GRID2: variants seen among roughly 807,000 people sequenced by gnomAD.
GRID2 encodes the protein glutamate ionotropic receptor delta type subunit 2, also known as glutamate receptor ionotropic, delta-2.
In GRID2, 33 loss-of-function variants were observed where a neutral mutation model predicts 114.8. The ratio of observed to expected loss-of-function variants is 0.29; its 90% CI spans 0.22 to 0.38. The LOEUF (loss-of-function observed/expected upper bound fraction) is 0.38, where lower values mean the gene tolerates loss of function less well. Among genes scored for constraint, GRID2 ranks in the 10% least tolerant of loss-of-function variants. The pLI, the probability that GRID2 is intolerant of heterozygous loss-of-function variation, is 1.00. For missense variants in GRID2, 1,184 were observed against 1,257.7 expected (o/e 0.94, Z 0.89); for synonymous variants, 505 against 449.9 (o/e 1.12, Z -1.55).
intron 8 of GRID2, among the ~76,000 whole-genome samples, chr4:93,390,994 T>C (rs542076062): frequency 2.6e-5 from 4 of 152,116 alleles, no homozygotes; most frequent in Non-Finnish European, 5.9e-5. Flanking sequence ...TGTGATTTTT[T>C]TTCTGACTTT....
intron 4 of GRID2, among the ~76,000 whole-genome samples, chr4:93,144,908 A>G (rs1159613073): frequency 1.3e-5 from 2 of 152,202 alleles, no homozygotes; most frequent in Non-Finnish European, 2.9e-5. Context: ...AGTATCAGGG[A>G]ACAGTGGGAT....
intron 14 of GRID2, among the ~76,000 whole-genome samples, chr4:93,727,351 G>A (rs1258073664): frequency 6.6e-6 from 1 of 152,100 alleles, no homozygotes; most frequent in East Asian, 1.9e-4. Context: ...TGATCATGGT[G>A]GATAAGCTTT....
intron 1 of GRID2, among the ~76,000 whole-genome samples, chr4:92,542,267 C>T (rs767153793): frequency 2.3e-4 from 35 of 151,768 alleles, no homozygotes; most frequent in Non-Finnish European, 2.9e-5. Flanking sequence ...GAGCCTTGAG[C>T]ACACCACTAC....
At chr4:93,169,839 G>A (rs555702706) in intron 4 of GRID2, among the ~76,000 whole-genome samples, 80 of 152,170 alleles carry the variant, frequency 5.3e-4, no homozygotes, top group African/African-American at 1.9e-3. Flanking sequence ...CAGGAATCAA[G>A]AAAACAATCC....
rs532284876 is a variant in GRID2 at position 93,800,217 on chromosome 4, G to A, written c.222-6498G>A. Among the ~76,000 whole-genome samples the A allele has an allele frequency of 3.3e-4, 50 of 152,334 alleles. No homozygotes were observed. The South Asian group carries it at 8.9e-3, about 27-fold the overall frequency. On this transcript the variant is annotated intron_variant, in intron 1 of 1. Transcript: ENST00000637838. ...AAATATATGATATGACAATCAGCAC[G>A]ATGTAGTGTGATAGCAGCAATCCTG...
chr4:93,144,164 C>T (rs563811612), intron 4 of GRID2, among the ~76,000 whole-genome samples: 1 of 152,160 alleles, frequency 6.6e-6, no homozygotes, highest in African/African-American at 2.4e-5. Flanking sequence ...TATTGCTGGT[C>T]TAGGGACCAC....
chr4:93,216,420 GT>G (rs947173043), intron 5 of GRID2, among the ~76,000 whole-genome samples: 2 of 151,798 alleles, frequency 1.3e-5, no homozygotes, highest in African/African-American at 4.8e-5. Context: ...CTTTTTAAAT[GT>G]TTTGACCACA....
intron 13 of GRID2, among the ~76,000 whole-genome samples, chr4:93,576,726 A>AT (rs1407520382): frequency 1.3e-5 from 2 of 151,494 alleles, no homozygotes; most frequent in African/African-American, 4.9e-5. Flanking sequence ...ATTTCCTTTT[A>AT]TTTTTTTTCT....
chr4:92,360,570 C>A (rs763049893), intron 1 of GRID2, among the ~76,000 whole-genome samples: 2 of 151,928 alleles, frequency 1.3e-5, no homozygotes, highest in Non-Finnish European at 2.9e-5. Context: ...AAATTTAAAG[C>A]AATGAGAGAC....
intron 1 of GRID2, among the ~76,000 whole-genome samples, chr4:92,577,691 C>G (rs1727963545): frequency 1.3e-5 from 2 of 152,042 alleles, no homozygotes; most frequent in African/African-American, 4.8e-5. Context: ...GAGCAAGGTC[C>G]TCTAGAGAAA....
intron 2 of GRID2, among the ~76,000 whole-genome samples, chr4:92,659,683 G>C (rs1732426660): frequency 6.6e-6 from 1 of 151,408 alleles, no homozygotes; most frequent in South Asian, 2.1e-4. Context: ...GGGAAAGTAA[G>C]TTATACAAAA....
chr4:92,931,939 CTTTCA>C (rs1750272547), intron 2 of GRID2, among the ~76,000 whole-genome samples: 1 of 151,100 alleles, frequency 6.6e-6, no homozygotes, highest in East Asian at 1.9e-4. Context: ...AAACCATATG[CTTTCA>C]TTTTATTTCA....
chr4:93,495,899 CTA>C (rs1449885613), intron 12 of GRID2, among the ~76,000 whole-genome samples: 14 of 151,664 alleles, frequency 9.2e-5, no homozygotes, highest in Admixed American at 9.2e-4. Flanking sequence ...ATGTGGCTTA[CTA>C]TGTTTTAGCT....
At chr4:92,702,428 C>A (rs151065428) in intron 2 of GRID2, 16 of 152,192 alleles carry the variant, frequency 1.1e-4, no homozygotes, top group African/African-American at 3.6e-4. Flanking sequence ...AAATTCTAGG[C>A]TACATACAAC....
At chr4:92,603,955 C>A (rs1027233766) in intron 2 of GRID2, among the ~76,000 whole-genome samples, 7 of 151,792 alleles carry the variant, frequency 4.6e-5, no homozygotes, top group African/African-American at 1.7e-4. Flanking sequence ...CATCACCGAT[C>A]ATTAGAGAAA....
At chr4:92,594,027 A>G (rs2149214000) in intron 2 of GRID2, among the ~76,000 whole-genome samples, 1 of 151,844 alleles carries the variant, frequency 6.6e-6, no homozygotes. Flanking sequence ...ATTTAGATGA[A>G]ATAATTGAGA....
intron 8 of GRID2, among the ~76,000 whole-genome samples, chr4:93,342,778 C>A (rs570794057): frequency 6.6e-6 from 1 of 152,120 alleles, no homozygotes; most frequent in Non-Finnish European, 1.5e-5. Flanking sequence ...ATGTTTCCTT[C>A]TTAACTTGTG....
At chr4:93,795,002 G>C (rs1404840357) in intron 1 of GRID2, among the ~76,000 whole-genome samples, 1 of 152,072 alleles carries the variant, frequency 6.6e-6, no homozygotes, top group Non-Finnish European at 1.5e-5. Flanking sequence ...TAATGGTCTG[G>C]TAAATCAAAA....
Position 92,659,851 on chromosome 4 carries a change from G to A in GRID2, c.244+69565G>A, listed in dbSNP as rs538962067. Among the ~76,000 whole-genome samples, 42 of 151,466 alleles carry A rather than the reference G, an allele frequency of 2.8e-4. No homozygotes were observed. In the East Asian group the frequency reaches 8.2e-3, roughly 29 times the overall value. On this transcript the variant is annotated intron_variant, in intron 2 of 15. Transcript: ENST00000282020. ...AACCTTTACATTTCCATTTTTGTAA[G>A]CAGCATGTGGAAAGACTAGTTTTTC...
Sources: allele counts gnomAD v4.1 joint callset (sites outside exome capture counted in the v4.1 genomes callset), GRCh38; gene constraint gnomAD v4.1.1; transcripts MANE v1.5; gene names NCBI Gene and HGNC (gene_info 2026-07-23, HGNC 2026-07-21).